Variants in PCDH7 observed in about 807,000 individuals in gnomAD.
The protein encoded by PCDH7 is protocadherin 7.
PCDH7 carries 17 observed loss-of-function variants against 58.9 expected under a neutral mutation model. The ratio of observed to expected loss-of-function variants is 0.29; its 90% CI spans 0.20 to 0.43. PCDH7 has a LOEUF of 0.43. Ranked by LOEUF, PCDH7 falls within the 20% of genes least tolerant of loss-of-function variation. The probability of loss-of-function intolerance (pLI) is 1.00; values close to 1 mark genes in which losing one functional copy is unlikely to be tolerated. For synonymous variants in PCDH7, 664 were observed against 616.4 expected (o/e 1.08, Z -1.14); for missense variants, 1,274 against 1,441.0 (o/e 0.88, Z 1.88).
chr4:30,840,722 G>A (rs1433975494), intron 1 of PCDH7, among the ~76,000 whole-genome samples: 2 of 152,066 alleles, frequency 1.3e-5, no homozygotes, highest in African/African-American at 4.8e-5. Context: ...TTAAGAGATG[G>A]CAAAACAGGG....
intron 3 of PCDH7, among the ~76,000 whole-genome samples, chr4:30,962,621 TACAA>T (rs1748552907): frequency 6.6e-6 from 1 of 151,566 alleles, no homozygotes; most frequent in East Asian, 2.0e-4. Flanking sequence ...ACTCCATCTC[TACAA>T]AAAATTAAAA....
chr4:31,130,021 TAATA>T (rs1045465934), intron 3 of PCDH7, among the ~76,000 whole-genome samples: 2 of 151,972 alleles, frequency 1.3e-5, no homozygotes, highest in African/African-American at 4.8e-5. Context: ...GATGAACAAA[TAATA>T]AACATCAGAA....
intron 1 of PCDH7, among the ~76,000 whole-genome samples, chr4:30,885,653 T>C (rs931706656): frequency 3.9e-5 from 6 of 152,094 alleles, no homozygotes; most frequent in East Asian, 3.9e-4. Context: ...AAAAAGAGCC[T>C]GCATCGCCAA....
intron 3 of PCDH7, among the ~76,000 whole-genome samples, chr4:31,012,705 CT>C (rs1753285999): frequency 6.6e-6 from 1 of 150,468 alleles, no homozygotes; most frequent in African/African-American, 2.4e-5. Context: ...TTCTTTCCAA[CT>C]TTTTTATTCA....
At chr4:30,974,117 A>G (rs1749839243) in intron 3 of PCDH7, among the ~76,000 whole-genome samples, 1 of 151,828 alleles carries the variant, frequency 6.6e-6, no homozygotes, top group Non-Finnish European at 1.5e-5. Flanking sequence ...AGTTGTCAGT[A>G]GTATCCATGA....
chr4:31,026,073 A>T (rs180963484), intron 3 of PCDH7, among the ~76,000 whole-genome samples: 1 of 152,322 alleles, frequency 6.6e-6, no homozygotes, highest in East Asian at 1.9e-4. Context: ...CACTGCCATT[A>T]CTGAGAAATT....
At chr4:30,965,761 T>C (rs996120777) in intron 3 of PCDH7, among the ~76,000 whole-genome samples, 1 of 152,100 alleles carries the variant, frequency 6.6e-6, no homozygotes, top group East Asian at 1.9e-4. Flanking sequence ...CTTGCATCTG[T>C]ATCTTTCCAT....
At chr4:30,933,208 G>A (rs1029669858) in intron 2 of PCDH7, among the ~76,000 whole-genome samples, 12 of 151,880 alleles carry the variant, frequency 7.9e-5, no homozygotes, top group South Asian at 4.1e-4. Context: ...TGTATTTTTA[G>A]TAGAGACAGG....
At chr4:30,801,534 T>C (rs184165677) in intron 1 of PCDH7, among the ~76,000 whole-genome samples, 5 of 152,220 alleles carry the variant, frequency 3.3e-5, no homozygotes. Flanking sequence ...AAAGCAACAA[T>C]AATAATAAAA....
rs554801215 is a variant in PCDH7 at position 30,961,185 on chromosome 4, T to G, written c.*7+10970T>G. On this transcript the variant is annotated intron_variant, in intron 3 of 3. Transcript: ENST00000509759. ...TATTCTTAATAATACTTTTTAAAAT[T>G]AATGAGTTTCATTAATATTATATCT... Among the ~76,000 whole-genome samples the G allele has an allele frequency of 5.3e-5, 8 of 152,178 alleles. No homozygotes were observed. In the South Asian group the frequency reaches 1.5e-3, roughly 28 times the overall value.
intron 3 of PCDH7, among the ~76,000 whole-genome samples, chr4:30,972,279 TG>T (rs558971342): frequency 1.3e-4 from 20 of 152,220 alleles, no homozygotes; most frequent in Non-Finnish European, 2.9e-4. Context: ...TTTAACATAG[TG>T]TTTTTTTTAT....
chr4:31,115,825 G>A (rs1560238322), intron 3 of PCDH7, among the ~76,000 whole-genome samples: 1 of 152,108 alleles, frequency 6.6e-6, no homozygotes. Context: ...TGCCAGCTCA[G>A]AAAATTCAGT....
intron 1 of PCDH7, among the ~76,000 whole-genome samples, chr4:30,788,128 T>C (rs370342606): frequency 1.3e-5 from 2 of 152,180 alleles, no homozygotes; most frequent in South Asian, 2.1e-4. Context: ...GGTGCTATTA[T>C]AGAAAAAAAT....
intron 3 of PCDH7, among the ~76,000 whole-genome samples, chr4:31,103,136 A>G (rs1370053636): frequency 6.6e-6 from 1 of 152,222 alleles, no homozygotes; most frequent in Non-Finnish European, 1.5e-5. Flanking sequence ...AAGACGTATG[A>G]CTAACTGCCA....
intron 1 of PCDH7, among the ~76,000 whole-genome samples, chr4:30,846,109 A>G (rs1343716003): frequency 6.6e-6 from 1 of 152,150 alleles, no homozygotes; most frequent in African/African-American, 2.4e-5. Context: ...AGCTATAACT[A>G]AAACATGGTC....
At chr4:30,934,652 T>C (rs1745106342) in intron 2 of PCDH7, among the ~76,000 whole-genome samples, 1 of 152,144 alleles carries the variant, frequency 6.6e-6, no homozygotes, top group Non-Finnish European at 1.5e-5. Context: ...GGAGATTAAA[T>C]AATTCAGTTT....
chr4:31,118,193 A>G (rs554104421), intron 3 of PCDH7, among the ~76,000 whole-genome samples: 16 of 152,302 alleles, frequency 1.1e-4, no homozygotes, highest in African/African-American at 3.9e-4. Flanking sequence ...ATAAAAACCC[A>G]TGGTTCTTTT....
At chr4:31,113,085 T>C (rs1716524100) in intron 3 of PCDH7, among the ~76,000 whole-genome samples, 1 of 152,202 alleles carries the variant, frequency 6.6e-6, no homozygotes, top group Non-Finnish European at 1.5e-5. Context: ...GCAAAAATAC[T>C]ATTTAATACT....
chr4:30,885,095 C>T (rs1248751521), intron 1 of PCDH7: 2 of 152,116 alleles, frequency 1.3e-5, no homozygotes, highest in Non-Finnish European at 2.9e-5. Context: ...ATTCATTGTA[C>T]AAGGTCAGTT....
Sources: gnomAD v4.1 joint callset for allele counts (sites outside exome capture counted in the v4.1 genomes callset) on GRCh38, gnomAD v4.1.1 for gene constraint, MANE v1.5 for transcripts, NCBI Gene and HGNC (gene_info 2026-07-23, HGNC 2026-07-21) for gene names.